Variants in FAM234A observed in about 807,000 individuals in gnomAD.
FAM234A encodes the protein protein FAM234A.
FAM234A carries 42 observed loss-of-function variants against 49.1 expected under a neutral mutation model. That is an observed-to-expected ratio of 0.86 (90% confidence interval 0.67 to 1.11). The LOEUF (loss-of-function observed/expected upper bound fraction) is 1.11, where lower values mean the gene tolerates loss of function less well. Ranked by LOEUF, FAM234A falls within the 50% of genes least tolerant of loss-of-function variation. The pLI is 0.00. For synonymous variants in FAM234A, 369 were observed against 316.2 expected (o/e 1.17, Z -1.77); for missense variants, 815 against 745.2 (o/e 1.09, Z -1.09).
rs368799634 is a variant in FAM234A at position 264,262 on chromosome 16, G to C, written c.1344+91G>C. The C allele has an allele frequency of 1.1e-3, 1,382 of 1,308,460 alleles. 27 individuals carry two copies. The South Asian group carries it at 0.019, about 18-fold the overall frequency. The allele number at this position is 1,308,460 out of a possible 1,614,324, so 81.1% of individuals were successfully genotyped here. The stretch of plus-strand genomic sequence containing the variant: ...ACCGTGGAGTGCCCAGAAGCTCATC[G>C]GTGCCTGGGCAACCTCACATAAGTT... On this transcript the variant is annotated intron_variant, in intron 11 of 12. Transcript: ENST00000399932.
chr16:238,569 A>C (rs972260629), intron 1 of FAM234A, among the ~76,000 whole-genome samples: 4 of 151,918 alleles, frequency 2.6e-5, no homozygotes, highest in South Asian at 2.1e-4. Context: ...GATCGAGACC[A>C]TCCTGGCTAA....
At position 265,101 on chromosome 16, in the gene FAM234A, C is replaced by G; in HGVS notation, c.*79C>G. On this transcript the variant is annotated 3_prime_UTR_variant, in exon 13 of 13. Coordinates refer to ENST00000399932, the MANE Select transcript of FAM234A (RefSeq NM_032039.4). ...CTGGGAAGTGGGCCCTTCCCTGGGT[C>G]TCTGCACTGACTCCCCCACTCCTGA... 7.3e-6 allele frequency: 11 copies of G among 1,511,576 alleles called. No homozygotes were observed. In the South Asian group the frequency reaches 1.4e-4, roughly 20 times the overall value. 93.6% of individuals were successfully genotyped at this position (1,511,576 alleles called of 1,614,324 possible).
chr16:259,970 C>A lies in FAM234A; in HGVS notation c.387C>A (p.Gly129=), dbSNP rs2051392389. ...NNFSRSCVDE[G]FSSPCTFAAA... ...AGGTGCCGGTGTCTCTCCCTACAGGCTTTTCCTCTCCCTGCACCTTTGCAG... is the reference window on the plus strand; with the variant it reads ...AGGTGCCGGTGTCTCTCCCTACAGGATTTTCCTCTCCCTGCACCTTTGCAG... Residue 129 remains glycine, a splice_region_variant and synonymous_variant, in exon 5 of 13, where the codon GGC becomes GGA. Coordinates refer to ENST00000399932, the MANE Select transcript of FAM234A (RefSeq NM_032039.4). The A allele has an allele frequency of 6.2e-7, 1 of 1,612,484 alleles. No homozygotes were observed. Among genetic ancestry groups the A allele is most frequent in the African/African-American group, 1.3e-5 (1 of 74,916 alleles).
chr16:244,439 T>C (rs2050732922), intron 1 of FAM234A, among the ~76,000 whole-genome samples: 1 of 152,152 alleles, frequency 6.6e-6, no homozygotes, highest in African/African-American at 2.4e-5. Flanking sequence ...CTCCTGCCTT[T>C]GGAACAAAAT....
intron 1 of FAM234A, among the ~76,000 whole-genome samples, chr16:244,396 A>G (rs1011524358): frequency 6.6e-6 from 1 of 152,158 alleles, no homozygotes; most frequent in Non-Finnish European, 1.5e-5. Context: ...CACTATTGAT[A>G]TTCTTCCAAA....
chr16:266,099 C>T, downstream of FAM234A: 5 of 985,610 alleles, frequency 5.1e-6, no homozygotes, highest in Non-Finnish European at 6.0e-6. Flanking sequence ...CTGAAAAACC[C>T]CGGTGGTCAG....
chr16:261,662 CCATAGACCCAG>C, intron 6 of FAM234A, 148 bp downstream of exon 6: 1 of 962,672 alleles, frequency 1.0e-6, no homozygotes, highest in Non-Finnish European at 1.5e-6. Flanking sequence ...TTCCCAACTC[CCATAGACCCAG>C]CATACTCAGG....
rs772676827 is a variant in FAM234A at position 264,717 on chromosome 16, G to A, written c.1447+1G>A. ...TCTACCCACATTGTCGCCTTTGACG[G>A]TGAGTGTGGCCTCGGCCAGGGACCC... On this transcript the variant is annotated splice_donor_variant, in intron 12 of 12. Coordinates refer to ENST00000399932, the MANE Select transcript of FAM234A (RefSeq NM_032039.4). LOFTEE classifies it high-confidence loss of function. 1.2e-6 allele frequency: 2 copies of A among 1,611,138 alleles called. No individual in the cohort carries two copies. The highest frequency in any genetic ancestry group is 2.2e-5 in the South Asian group (2 of 91,082).
chr16:264,235 C>T, intron 11 of FAM234A, 64 bp downstream of exon 11: 1 of 1,490,066 alleles, frequency 6.7e-7, no homozygotes. Context: ...GGCTGGAGCT[C>T]CACCGTGGAG....
intron 1 of FAM234A, among the ~76,000 whole-genome samples, chr16:249,203 T>TG (rs1245930840): frequency 6.6e-6 from 1 of 151,804 alleles, no homozygotes; most frequent in African/African-American, 2.4e-5. Flanking sequence ...AGGCTGGCTG[T>TG]GGGGGGATGC....
Position 254,438 on chromosome 16 carries a change from G to A in FAM234A, c.25G>A (p.Ala9Thr), listed in dbSNP as rs947541219. Residue 9 changes from alanine to threonine, a missense_variant, in exon 3 of 13, where the codon GCC (alanine) becomes ACC (threonine). Physicochemically the swap from Ala to Thr is moderately conservative, Grantham distance 58. Transcript: ENST00000399932. Reference sequence around the variant, plus strand: ...GATGTTGGACCACAAGGACTTAGAGGCCGAAATCCACCCCTTGAAAAATGA... The same window carrying A: ...GATGTTGGACCACAAGGACTTAGAGACCGAAATCCACCCCTTGAAAAATGA... MLDHKDLE[A>T]EIHPLKNEER... 6.2e-7 allele frequency: 1 copy of A among 1,614,128 alleles called. No individual in the cohort carries two copies. The highest frequency in any genetic ancestry group is 8.5e-7 in the Non-Finnish European group (1 of 1,180,030).
In FAM234A at chr16:262,120, A is replaced by G; in HGVS notation, c.736A>G (p.Thr246Ala). The change falls in exon 7 of 13, where the codon ACC becomes GCC. Residue 246 changes from threonine to alanine, a missense_variant. Thr to Ala is a moderately conservative substitution (Grantham distance 58). Coordinates refer to ENST00000399932, the MANE Select transcript of FAM234A (RefSeq NM_032039.4). ...TAGTGGCCACCTCTACTCCGGCAGCACCGGGCACCAGATTGGCCTCAGAGG... is the reference window on the plus strand; with the variant it reads ...TAGTGGCCACCTCTACTCCGGCAGCGCCGGGCACCAGATTGGCCTCAGAGG... ...EVSGHLYSGS[T>A]GHQIGLRGSL... The G allele has an allele frequency of 6.2e-7, 1 of 1,614,026 alleles. No individual in the cohort carries two copies. Among genetic ancestry groups the G allele is most frequent in the East Asian group, 2.2e-5 (1 of 44,884 alleles).
chr16:266,274 CTG>C (rs1021885810), downstream of FAM234A: 1 of 189,312 alleles, frequency 5.3e-6, no homozygotes, highest in Non-Finnish European at 9.8e-6. Context: ...CAGTCAGAAA[CTG>C]GGCACCCAGC....
chr16:266,141 C>G, downstream of FAM234A: 1 of 943,626 alleles, frequency 1.1e-6, no homozygotes, highest in Non-Finnish European at 1.3e-6. Flanking sequence ...GTCTGCCTGT[C>G]TGTCTGCTCC....
downstream of FAM234A, among the ~76,000 whole-genome samples, chr16:268,059 ACAAT>A (rs774182882): frequency 2.7e-4 from 41 of 150,010 alleles, no homozygotes; most frequent in Non-Finnish European, 4.4e-4. Flanking sequence ...GGTGCTACAC[ACAAT>A]CACACATGCT....
intron 1 of FAM234A, among the ~76,000 whole-genome samples, chr16:245,437 G>A (rs975541079): frequency 3.3e-5 from 5 of 152,124 alleles, no homozygotes; most frequent in South Asian, 2.1e-4. Context: ...CCTGGGCACC[G>A]GCCACTGGCG....
intron 4 of FAM234A, 121 bp from the exon 5 acceptor site, chr16:259,848 G>T: frequency 1.1e-6 from 1 of 896,610 alleles, no homozygotes. Context: ...TCCACCTGGC[G>T]GGAGGGGCTG....
chr16:236,154 C>G (rs1022600283), intron 1 of FAM234A, among the ~76,000 whole-genome samples: 1 of 150,746 alleles, frequency 6.6e-6, no homozygotes, highest in Non-Finnish European at 1.5e-5. Context: ...AGGGGTTTCA[C>G]CATGTTGGCC....
In FAM234A at chr16:264,897, A is replaced by G. The variant is rs985459676; in HGVS notation, c.1534A>G (p.Ile512Val). Residue 512 changes from isoleucine (I) to valine (V), a missense_variant, in exon 13 of 13, where the codon ATC becomes GTC. Transcript: ENST00000399932. ...DSEAPGLVSV[I>V]KHKVRDLVPS... ...AGAGGCACCCGGCCTGGTCTCTGTG[A>G]TCAAGCACAAGGTGCGGGACCTTGT... 6.2e-7 allele frequency: 1 copy of G among 1,613,014 alleles called. No homozygotes were observed. Among genetic ancestry groups the G allele is most frequent in the Admixed American group, 1.7e-5 (1 of 60,012 alleles).
Sources: allele counts gnomAD v4.1 joint callset (sites outside exome capture counted in the v4.1 genomes callset), GRCh38; gene constraint gnomAD v4.1.1; transcripts MANE v1.5; gene names NCBI Gene and HGNC (gene_info 2026-07-23, HGNC 2026-07-21).